The following DPP9 variants were observed in gnomAD, a reference collection of about 807,000 sequenced individuals.
DPP9 encodes dipeptidyl peptidase IV-related protein-2.
DPP9 carries 50 observed loss-of-function variants against 110.7 expected under a neutral mutation model. That is an observed-to-expected ratio of 0.45 (90% CI 0.36 to 0.57). The LOEUF is 0.57. DPP9 is among the 20% of genes least tolerant of loss of function. The pLI, the probability that DPP9 is intolerant of heterozygous loss-of-function variation, is 0.00. For missense variants in DPP9, 1,022 were observed against 1,217.9 expected, an observed-to-expected ratio of 0.84 and a Z score of 2.39; for synonymous variants, 561 against 514.4, an observed-to-expected ratio of 1.09 and a Z score of -1.23.
In DPP9 at chr19:4,685,273, C is replaced by G; in HGVS notation, c.2031+353G>C. On this transcript the variant is annotated intron_variant, in intron 17 of 21. Transcript: ENST00000262960. The surrounding 1 kb of genome is among the most constrained non-coding windows in gnomAD (Gnocchi z 5.8). ...CGCCTAAGATGGTCCAACTGCCAAT[C>G]TGCTGCCTGCTTTTGACCCCTGCTC... 1 of 536,920 alleles carries G rather than the reference C, an allele frequency of 1.9e-6. No individual in the cohort carries two copies. The highest frequency in any genetic ancestry group is 3.6e-6 in the Non-Finnish European group (1 of 279,332). The allele number at this position is 536,920 out of a possible 1,614,324, so 33.3% of individuals were successfully genotyped here.
Position 4,694,393 on chromosome 19 carries a change from G to A in DPP9, c.1516+268C>T, listed in dbSNP as rs1233314354. On this transcript the variant is annotated intron_variant, in intron 13 of 21. Transcript: ENST00000262960. This position sits in a 1 kb window ranked among gnomAD's most constrained non-coding sequence, Gnocchi z 4.0. ...GTGGTGGGCCGGATTTGACCTGTGG[G>A]CCGTAGGTGGCCAACCCCTGGTTGT... 7.5e-6 allele frequency: 4 copies of A among 534,080 alleles called. No individual in the cohort carries two copies. The highest frequency in any genetic ancestry group is 1.3e-5 in the Non-Finnish European group (4 of 302,374). 33.1% of individuals were successfully genotyped at this position (534,080 alleles called of 1,614,324 possible). A position where few individuals can be genotyped will look rare whatever the true frequency, so the allele number is the denominator to read the frequency against.
At position 4,710,143 on chromosome 19, in the gene DPP9, C is replaced by A. The variant is rs1483253340; in HGVS notation, c.313+3938G>T. On this transcript the variant is annotated intron_variant, in intron 4 of 21. Coordinates refer to ENST00000262960, the MANE Select transcript of DPP9 (RefSeq NM_139159.5). The surrounding 1 kb of genome is among the most constrained non-coding windows in gnomAD (Gnocchi z 5.6). ...CCCCTGCAAACACACCTGATGCCAA[C>A]CTGTCACCCACCCATGCCCCGGTGA... 6.6e-6 allele frequency among the ~76,000 whole-genome samples: 1 copy of A among 152,214 alleles called. No homozygotes were observed. Among genetic ancestry groups the A allele is most frequent in the Non-Finnish European group, 1.5e-5 (1 of 68,032 alleles).
In DPP9 at chr19:4,700,313, C is replaced by A; in HGVS notation, c.1013-36G>T. On this transcript the variant is annotated intron_variant, in intron 9 of 21. Transcript: ENST00000262960. The surrounding 1 kb of genome is among the most constrained non-coding windows in gnomAD (Gnocchi z 4.3). ...CGAAGTGAGGTGAACACCAGGCAGG[C>A]ATCACCCGTGTGTGCCGAGAGCCGG... The A allele has an allele frequency of 6.4e-7, 1 of 1,573,978 alleles. No homozygotes were observed. Among genetic ancestry groups the A allele is most frequent in the Admixed American group, 1.7e-5 (1 of 57,708 alleles).
At chr19:4,703,675 A>T (rs1026993367) in intron 7 of DPP9, among the ~76,000 whole-genome samples, 6 of 150,878 alleles carry the variant, frequency 4.0e-5, no homozygotes, top group Non-Finnish European at 7.4e-5. Flanking sequence ...TCTCTCAAAA[A>T]AAAAAAAAAG....
At chr19:4,722,341 C>T in intron 2 of DPP9, 158 bp downstream of exon 2, 2 of 587,582 alleles carry the variant, frequency 3.4e-6, no homozygotes, top group South Asian at 4.1e-5. Flanking sequence ...AAGCCTCCAG[C>T]AGGCGCACAA....
In DPP9 at chr19:4,685,353, G is replaced by A. The variant is rs1451720494; in HGVS notation, c.2031+273C>T. The A allele has an allele frequency of 1.6e-6, 1 of 621,472 alleles. No homozygotes were observed. Among genetic ancestry groups the A allele is most frequent in the Non-Finnish European group, 3.0e-6 (1 of 333,438 alleles). The allele number at this position is 621,472 out of a possible 1,614,324, so 38.5% of individuals were successfully genotyped here. On this transcript the variant is annotated intron_variant, in intron 17 of 21. Transcript: ENST00000262960. This position sits in a 1 kb window ranked among gnomAD's most constrained non-coding sequence, Gnocchi z 5.8. ...CTCCATACCAACCTGGAGACTAGGG[G>A]ACTTCCTAGAGGAACAAGGGAGAGT...
Position 4,710,123 on chromosome 19 carries a change from G to A in DPP9, c.313+3958C>T, listed in dbSNP as rs1426233024. Among the ~76,000 whole-genome samples the A allele has an allele frequency of 6.6e-6, 1 of 152,330 alleles. No homozygotes were observed. Among genetic ancestry groups the A allele is most frequent in the East Asian group, 1.9e-4 (1 of 5,190 alleles). On this transcript the variant is annotated intron_variant, in intron 4 of 21. Transcript: ENST00000262960. The surrounding 1 kb of genome is among the most constrained non-coding windows in gnomAD (Gnocchi z 5.6). ...GACCTCCCTCACCAGCTCTGCCCCT[G>A]CAAACACACCTGATGCCAACCTGTC...
In DPP9 at chr19:4,702,595, G is replaced by A; in HGVS notation, c.883+8C>T. Reference sequence around the variant, plus strand: ...CCGGGAGCATGTTGAAAAATGGAAGGGACCTACCTTCCCAGGAGGCTGTGG... The same window carrying A: ...CCGGGAGCATGTTGAAAAATGGAAGAGACCTACCTTCCCAGGAGGCTGTGG... On this transcript the variant is annotated splice_region_variant and intron_variant, in intron 8 of 21. Transcript: ENST00000262960. The A allele has an allele frequency of 1.9e-6, 3 of 1,583,762 alleles. No individual in the cohort carries two copies. Among genetic ancestry groups the A allele is most frequent in the Non-Finnish European group, 2.6e-6 (3 of 1,164,196 alleles).
chr19:4,705,437 G>T (rs533490119), intron 5 of DPP9, among the ~76,000 whole-genome samples: 3 of 152,254 alleles, frequency 2.0e-5, no homozygotes, highest in African/African-American at 4.8e-5. Context: ...CCCCAGTCTG[G>T]TCTCAAATTC....
intron 7 of DPP9, 122 bp downstream of exon 7, chr19:4,703,764 T>G: frequency 9.8e-7 from 1 of 1,016,062 alleles, no homozygotes; most frequent in South Asian, 1.6e-5. Flanking sequence ...ACAGAAGGTA[T>G]GCACGGGAGG....
rs146711490 is a variant in DPP9 at position 4,706,394 on chromosome 19, C to T, written c.314-424G>A. On this transcript the variant is annotated intron_variant, in intron 4 of 21. Coordinates refer to ENST00000262960, the MANE Select transcript of DPP9 (RefSeq NM_139159.5). ...GAAAAATAAATCGCACACAAGAGAA[C>T]AAGAAGGGCAGTCAGAAACAAACAT... is the stretch of plus-strand genomic sequence containing the variant. 6.4e-3 allele frequency among the ~76,000 whole-genome samples: 960 copies of T among 150,046 alleles called. 15 individuals are homozygous for T. The highest frequency in any genetic ancestry group is 0.023 in the African/African-American group (930 of 40,746).
chr19:4,679,752 G>A, intron 21 of DPP9, 83 bp downstream of exon 21: 1 of 1,105,654 alleles, frequency 9.0e-7, no homozygotes, highest in Middle Eastern at 2.9e-4. Flanking sequence ...GTCACAGTGG[G>A]AAGCCACCCC....
intron 2 of DPP9, among the ~76,000 whole-genome samples, chr19:4,721,001 G>C (rs1050132074): frequency 4.6e-5 from 7 of 152,160 alleles, no homozygotes; most frequent in Admixed American, 6.5e-5. Flanking sequence ...AGGATCATGG[G>C]ACGCAGTCTC....
chr19:4,706,050 G>A, intron 4 of DPP9, 80 bp from the exon 5 acceptor site: 1 of 1,276,200 alleles, frequency 7.8e-7, no homozygotes, highest in South Asian at 1.3e-5. Context: ...GCTGGGCCCA[G>A]CTGGTTCCCT....
Position 4,693,495 on chromosome 19 carries a change from G to A in DPP9, c.1516+1166C>T, listed in dbSNP as rs1158116394. 6.6e-6 allele frequency among the ~76,000 whole-genome samples: 1 copy of A among 152,154 alleles called. No individual in the cohort carries two copies. Among genetic ancestry groups the A allele is most frequent in the East Asian group, 1.9e-4 (1 of 5,184 alleles). The stretch of plus-strand genomic sequence containing the variant: ...CTCTCCTAGAACAGTCCCTCTCTGA[G>A]TCTGTCTTAGACTGGACCTGCGGAG... On this transcript the variant is annotated intron_variant, in intron 13 of 21. Transcript: ENST00000262960. This position sits in a 1 kb window ranked among gnomAD's most constrained non-coding sequence, Gnocchi z 5.0.
Position 4,690,009 on chromosome 19 carries a change from G to A in DPP9, c.1597-287C>T, listed in dbSNP as rs937033271. On this transcript the variant is annotated intron_variant, in intron 14 of 21. Transcript: ENST00000262960. ...AGCTCTTTCCTAGCTTGAATTGGGA[G>A]GGCCCACCAGAGCCAGGTGGGAAGG... Among the ~76,000 whole-genome samples the A allele has an allele frequency of 8.5e-5, 13 of 152,218 alleles. 1 individual carries two copies. The highest frequency in any genetic ancestry group is 6.5e-5 in the Admixed American group (1 of 15,286).
At chr19:4,720,666 G>A (rs1347919200) in intron 2 of DPP9, among the ~76,000 whole-genome samples, 7 of 152,186 alleles carry the variant, frequency 4.6e-5, no homozygotes, top group Admixed American at 4.6e-4. Context: ...ATGTGTGGCT[G>A]TCACAACTCG....
chr19:4,684,823 A>C lies in DPP9; in HGVS notation c.2032-14T>G. On this transcript the variant is annotated splice_polypyrimidine_tract_variant and intron_variant, in intron 17 of 21. Transcript: ENST00000262960. This position sits in a 1 kb window ranked among gnomAD's most constrained non-coding sequence, Gnocchi z 4.8. ...CACCAGCTGCACCTGTGGGGAGGTG[A>C]GGGCCAGCAGTCCAGCACGAGATGC... is the stretch of plus-strand genomic sequence containing the variant. 1 of 1,584,366 alleles carries C rather than the reference A, an allele frequency of 6.3e-7. No individual in the cohort carries two copies. Among genetic ancestry groups the C allele is most frequent in the Non-Finnish European group, 8.6e-7 (1 of 1,166,260 alleles).
At chr19:4,706,708 C>G (rs983449872) in intron 4 of DPP9, among the ~76,000 whole-genome samples, 1 of 152,152 alleles carries the variant, frequency 6.6e-6, no homozygotes, top group Non-Finnish European at 1.5e-5. Context: ...CCCAGCTACT[C>G]GTCAGGCTGA....
Sources: allele counts gnomAD v4.1 joint callset (sites outside exome capture counted in the v4.1 genomes callset), GRCh38; gene constraint gnomAD v4.1.1; non-coding constraint Gnocchi (gnomAD v3.1); transcripts MANE v1.5; gene names NCBI Gene and HGNC (gene_info 2026-07-23, HGNC 2026-07-21).